The following TTLL11 variants were observed in gnomAD, a reference collection of about 807,000 sequenced individuals.
TTLL11 encodes tubulin tyrosine ligase like 11.
A neutral mutation model predicts 51.7 loss-of-function variants in TTLL11; 42 were observed. The ratio of observed to expected loss-of-function variants is 0.81; its 90% CI spans 0.64 to 1.05. The LOEUF is 1.05. Ranked by LOEUF, TTLL11 falls within the 50% of genes least tolerant of loss-of-function variation. TTLL11 has a pLI of 0.00. For synonymous variants in TTLL11, 381 were observed against 383.5 expected, an observed-to-expected ratio of 0.99 and a Z score of 0.08; for missense variants, 799 against 940.4, an observed-to-expected ratio of 0.85 and a Z score of 1.97.
At chr9:122,051,272 C>T (rs553098747) in intron 1 of TTLL11, among the ~76,000 whole-genome samples, 20 of 152,238 alleles carry the variant, frequency 1.3e-4, no homozygotes, top group African/African-American at 3.9e-4. Context: ...TGGTTTATCT[C>T]CAAAGACTGC....
chr9:121,870,815 C>T, intron 6 of TTLL11, 67 bp from the exon 7 acceptor site: 2 of 1,462,014 alleles, frequency 1.4e-6, no homozygotes, highest in Non-Finnish European at 1.8e-6. Context: ...TTGAGATTTA[C>T]AGCCTCCTCG....
intron 3 of TTLL11, among the ~76,000 whole-genome samples, chr9:122,023,607 G>A (rs1844238191): frequency 6.6e-6 from 1 of 151,928 alleles, no homozygotes; most frequent in Non-Finnish European, 1.5e-5. Context: ...ACTAAGTGGA[G>A]TTTGTCTTAG....
chr9:121,858,205 G>T (rs1275072086), intron 8 of TTLL11, among the ~76,000 whole-genome samples: 2 of 152,202 alleles, frequency 1.3e-5, no homozygotes, highest in Non-Finnish European at 1.5e-5. Context: ...CACTCATCTT[G>T]TTGATTCAAT....
intron 4 of TTLL11, among the ~76,000 whole-genome samples, chr9:121,981,687 T>G (rs1428748073): frequency 6.6e-6 from 1 of 152,260 alleles, no homozygotes; most frequent in African/African-American, 2.4e-5. Flanking sequence ...GGCTTTGTTT[T>G]GGCAGTCAGT....
At chr9:122,046,496 G>A (rs1252610721) in intron 1 of TTLL11, among the ~76,000 whole-genome samples, 1 of 152,016 alleles carries the variant, frequency 6.6e-6, no homozygotes, top group South Asian at 2.1e-4. Flanking sequence ...GCAGCTGAGG[G>A]GCCATTTGTG....
At chr9:122,027,922 T>C (rs1474036640) in intron 3 of TTLL11, among the ~76,000 whole-genome samples, 1 of 152,166 alleles carries the variant, frequency 6.6e-6, no homozygotes, top group Non-Finnish European at 1.5e-5. Flanking sequence ...AGAGCAAAAA[T>C]AATAACAATG....
At chr9:122,040,351 T>C (rs915877003) in intron 1 of TTLL11, 2 of 985,360 alleles carry the variant, frequency 2.0e-6, no homozygotes, top group Non-Finnish European at 2.4e-6. Flanking sequence ...GTTTCAATTA[T>C]TTGAAGCCAG....
chr9:121,834,969 C>A (rs60781322), intron 8 of TTLL11, among the ~76,000 whole-genome samples: 1,755 of 152,194 alleles, frequency 0.012, 36 homozygotes, highest in African/African-American at 0.04. Context: ...TTTCTTTTCA[C>A]CCTGCTGGAC....
chr9:122,057,322 C>CTTT (rs58226814), intron 1 of TTLL11, among the ~76,000 whole-genome samples: 1 of 128,154 alleles, frequency 7.8e-6, no homozygotes, highest in Admixed American at 8.0e-5. Context: ...AGCTCAAATC[C>CTTT]TTTTTTTTTT....
At chr9:121,823,010 C>T (rs1836631105) in intron 8 of TTLL11, 131 bp from the exon 9 acceptor site, 4 of 1,116,558 alleles carry the variant, frequency 3.6e-6, no homozygotes, top group Admixed American at 5.9e-5. Context: ...ATTCCAGAAA[C>T]TCCTAACAGG....
chr9:121,845,901 T>C (rs562488758), intron 8 of TTLL11, among the ~76,000 whole-genome samples: 2 of 152,288 alleles, frequency 1.3e-5, no homozygotes, highest in South Asian at 4.1e-4. Context: ...TTACAAACAT[T>C]GATAGGTATC....
intron 6 of TTLL11, among the ~76,000 whole-genome samples, chr9:121,945,797 C>T (rs1388906636): frequency 1.3e-5 from 2 of 152,154 alleles, no homozygotes; most frequent in Non-Finnish European, 2.9e-5. Flanking sequence ...ATGGATAAAT[C>T]CTGCCATGGG....
intron 6 of TTLL11, among the ~76,000 whole-genome samples, chr9:121,938,417 TC>T (rs1433054819): frequency 2.0e-5 from 3 of 152,072 alleles, no homozygotes; most frequent in Non-Finnish European, 4.4e-5. Context: ...AAACCATCAT[TC>T]TTTGCAAACA....
At chr9:121,952,826 G>C (rs778134724) in intron 6 of TTLL11, among the ~76,000 whole-genome samples, 1 of 152,136 alleles carries the variant, frequency 6.6e-6, no homozygotes, top group Non-Finnish European at 1.5e-5. Flanking sequence ...TCAAGCTCCG[G>C]ATTCAGCCTC....
intron 1 of TTLL11, among the ~76,000 whole-genome samples, chr9:122,043,728 CT>C (rs1292505112): frequency 2.6e-5 from 4 of 152,020 alleles, no homozygotes; most frequent in Admixed American, 2.0e-4. Flanking sequence ...AAATTAAAAA[CT>C]TTTTTTCATC....
intron 6 of TTLL11, among the ~76,000 whole-genome samples, chr9:121,910,409 C>T (rs1264119792): frequency 6.6e-6 from 1 of 152,242 alleles, no homozygotes; most frequent in African/African-American, 2.4e-5. Flanking sequence ...CGTAACAGCT[C>T]TTTAACATTT....
chr9:121,903,699 C>G (rs1839841579), intron 6 of TTLL11, among the ~76,000 whole-genome samples: 2 of 152,094 alleles, frequency 1.3e-5, no homozygotes, highest in African/African-American at 4.8e-5. Flanking sequence ...ATGTTTTAAA[C>G]ACTCATTTTA....
intron 6 of TTLL11, among the ~76,000 whole-genome samples, chr9:121,892,196 A>ATG (rs1411724281): frequency 2.7e-5 from 1 of 36,954 alleles, no homozygotes; most frequent in African/African-American, 9.9e-5. Context: ...ACATATATAT[A>ATG]CATATATACA....
chr9:121,961,620 T>C (rs1486957319), intron 6 of TTLL11, among the ~76,000 whole-genome samples: 3 of 152,200 alleles, frequency 2.0e-5, no homozygotes, highest in Non-Finnish European at 4.4e-5. Flanking sequence ...ACCATTCTCA[T>C]TGCACACAGA....
Sources: allele counts gnomAD v4.1 joint callset (sites outside exome capture counted in the v4.1 genomes callset), GRCh38; gene constraint gnomAD v4.1.1; transcripts MANE v1.5; gene names NCBI Gene and HGNC (gene_info 2026-07-23, HGNC 2026-07-21).